Variants in PTPN3 observed in about 807,000 individuals in gnomAD.
PTPN3 encodes the protein tyrosine-protein phosphatase non-receptor type 3.
PTPN3 carries 96 observed loss-of-function variants against 132.7 expected under a neutral mutation model. The observed-to-expected ratio is 0.72, with a 90% CI of 0.61 to 0.86. PTPN3 has a LOEUF of 0.86. PTPN3 is among the 40% of genes least tolerant of loss of function. The probability of loss-of-function intolerance (pLI) is 0.00; values close to 1 mark genes in which losing one functional copy is unlikely to be tolerated. For missense variants in PTPN3, 1,125 were observed against 1,159.6 expected, an observed-to-expected ratio of 0.97 and a Z score of 0.43; for synonymous variants, 398 against 429.0, an observed-to-expected ratio of 0.93 and a Z score of 0.89.
chr9:109,422,582 G>T (rs768140575), intron 13 of PTPN3, 136 bp downstream of exon 13: 16 of 1,016,230 alleles, frequency 1.6e-5, no homozygotes, highest in Non-Finnish European at 2.2e-5. Flanking sequence ...CATGAAAACA[G>T]TTACTTCTGC....
the PTPN3 span, among the ~76,000 whole-genome samples, chr9:109,523,914 G>A: frequency 6.6e-6 from 1 of 152,050 alleles, no homozygotes; most frequent in East Asian, 1.9e-4. Context: ...TCCCTGGGAT[G>A]TCATTCCTTT....
chr9:109,499,614 T>C (rs563163357), upstream of PTPN3, among the ~76,000 whole-genome samples: 10 of 152,344 alleles, frequency 6.6e-5, no homozygotes, highest in East Asian at 1.2e-3. Flanking sequence ...TTGTTGAATA[T>C]GTGAACGAAG....
At chr9:109,525,231 A>G in the PTPN3 span, among the ~76,000 whole-genome samples, 2 of 151,756 alleles carry the variant, frequency 1.3e-5, no homozygotes, top group African/African-American at 4.8e-5. Flanking sequence ...TTAAAAAAAA[A>G]TGTTTTTGTA....
rs1317083832 is a variant in PTPN3 at position 109,381,797 on chromosome 9, G to T, written c.2529-10C>A. 7 of 1,614,102 alleles carry T rather than the reference G, an allele frequency of 4.3e-6. No homozygotes were observed. Among genetic ancestry groups the T allele is most frequent in the African/African-American group, 1.3e-5 (1 of 74,944 alleles). ...TCGACCTATTCCAGCACTGGAGAGG[G>T]GAGAGAAGACAGACTTGGGATTTGT... On this transcript the variant is annotated splice_polypyrimidine_tract_variant and intron_variant, in intron 24 of 25. Coordinates refer to ENST00000374541, the MANE Select transcript of PTPN3 (RefSeq NM_002829.4).
the PTPN3 span, among the ~76,000 whole-genome samples, chr9:109,520,780 G>A: frequency 1.3e-5 from 2 of 152,202 alleles, no homozygotes; most frequent in African/African-American, 4.8e-5. Flanking sequence ...AGGCCACAAT[G>A]TCACTAAGCA....
intron 4 of PTPN3, among the ~76,000 whole-genome samples, chr9:109,456,861 C>A (rs1845593827): frequency 6.6e-6 from 1 of 152,216 alleles, no homozygotes; most frequent in African/African-American, 2.4e-5. Flanking sequence ...CCCTGGCTCT[C>A]ACATCGGGCT....
At position 109,410,354 on chromosome 9, in the gene PTPN3, A is replaced by G. The variant is rs1366009855; in HGVS notation, c.1375T>C (p.Ser459Pro). The change falls in exon 15 of 26, where the codon TCT (serine) becomes CCT (proline). Residue 459 changes from serine to proline, a missense_variant. Transcript: ENST00000374541. ...GAGCCTGGAGCATTTGAAGATGGAG[A>G]CACAGAACTGGATGACTTCTGGGTC... Reference protein sequence around the residue: ...YLTQKSSSSVSPSSNAPGSCS... With the variant: ...YLTQKSSSSVPPSSNAPGSCS... The G allele has an allele frequency of 6.2e-7, 1 of 1,614,158 alleles. No individual in the cohort carries two copies. The highest frequency in any genetic ancestry group is 1.1e-5 in the South Asian group (1 of 91,060).
At chr9:109,417,531 G>GT in intron 14 of PTPN3, 1 of 852,468 alleles carries the variant, frequency 1.2e-6, no homozygotes, top group South Asian at 5.3e-5. Context: ...CTAACCAACA[G>GT]GTTTTTTTTT....
chr9:109,534,201 T>G, the PTPN3 span: 2 of 1,172,000 alleles, frequency 1.7e-6, no homozygotes, highest in East Asian at 2.4e-5. Flanking sequence ...GTGCTGCTGA[T>G]GTGAAGCCTC....
chr9:109,383,326 A>G, intron 23 of PTPN3, 97 bp downstream of exon 23: 1 of 1,599,418 alleles, frequency 6.3e-7, no homozygotes, highest in Non-Finnish European at 8.5e-7. Context: ...TGCCAGGTGC[A>G]AACAGAGTGC....
intron 1 of PTPN3, among the ~76,000 whole-genome samples, chr9:109,480,923 G>C (rs1181866931): frequency 2.0e-5 from 3 of 152,036 alleles, no homozygotes; most frequent in South Asian, 2.1e-4. Flanking sequence ...TGGATGGATG[G>C]ATGCATGGAT....
intron 22 of PTPN3, among the ~76,000 whole-genome samples, chr9:109,387,914 G>A (rs962537016): frequency 6.6e-6 from 1 of 152,190 alleles, no homozygotes; most frequent in African/African-American, 2.4e-5. Flanking sequence ...TTTTGGGTGG[G>A]AATTTAAAAA....
At position 109,435,562 on chromosome 9, in the gene PTPN3, A is replaced by C. The variant is rs530624264; in HGVS notation, c.675+1321T>G. 2.6e-5 allele frequency among the ~76,000 whole-genome samples: 4 copies of C among 152,200 alleles called. No homozygotes were observed. In the South Asian group the frequency reaches 8.3e-4, roughly 31 times the overall value. On this transcript the variant is annotated intron_variant, in intron 9 of 25. Transcript: ENST00000374541. ...CTGAAAGATAAACCTTATGATATGAAGCTATGGAGATTTAGGGGTTTTTAG... is the reference window on the plus strand; with the variant it reads ...CTGAAAGATAAACCTTATGATATGACGCTATGGAGATTTAGGGGTTTTTAG...
intron 20 of PTPN3, 77 bp from the exon 21 acceptor site, chr9:109,391,276 C>T: frequency 7.0e-7 from 1 of 1,419,362 alleles, no homozygotes; most frequent in Non-Finnish European, 9.8e-7. Flanking sequence ...GTTCAGTTCC[C>T]AGCCCCATCT....
At chr9:109,496,226 TGGGAGC>T (rs1185033391) in intron 1 of PTPN3, among the ~76,000 whole-genome samples, 1 of 152,252 alleles carries the variant, frequency 6.6e-6, no homozygotes, top group African/African-American at 2.4e-5. Flanking sequence ...GTGGGATTTA[TGGGAGC>T]TCGCTATAAA....
chr9:109,387,117 T>C (rs116190013), intron 22 of PTPN3, among the ~76,000 whole-genome samples: 2,056 of 152,280 alleles, frequency 0.014, 43 homozygotes, highest in African/African-American at 0.047. Flanking sequence ...GTGTACCACC[T>C]GGGTGCAGGT....
chr9:109,507,801 C>T, the PTPN3 span, among the ~76,000 whole-genome samples: 1 of 152,320 alleles, frequency 6.6e-6, no homozygotes, highest in East Asian at 1.9e-4. Context: ...GCAGCAGCCA[C>T]TGAGGCCTCC....
At chr9:109,422,636 T>G in intron 13 of PTPN3, 82 bp downstream of exon 13, 13 of 1,430,034 alleles carry the variant, frequency 9.1e-6, no homozygotes. Flanking sequence ...TCTTTAGGAG[T>G]TTATAAGTTG....
At chr9:109,459,607 A>C (rs1845738968) in intron 2 of PTPN3, among the ~76,000 whole-genome samples, 1 of 152,134 alleles carries the variant, frequency 6.6e-6, no homozygotes, top group African/African-American at 2.4e-5. Context: ...GCTGGAGTGC[A>C]GTGGTACAAT....
Sources: allele counts gnomAD v4.1 joint callset (sites outside exome capture counted in the v4.1 genomes callset), GRCh38; gene constraint gnomAD v4.1.1; transcripts MANE v1.5; gene names NCBI Gene and HGNC (gene_info 2026-07-23, HGNC 2026-07-21).